The following SV2C variants were observed in gnomAD, a reference collection of about 807,000 sequenced individuals.
SV2C encodes the protein solute carrier family 22 member B3.
A neutral mutation model predicts 79.7 loss-of-function variants in SV2C; 49 were observed. The observed-to-expected ratio is 0.61, with a 90% confidence interval of 0.49 to 0.78. The LOEUF is 0.78. SV2C is among the 30% of genes least tolerant of loss of function. The pLI is 0.00. For synonymous variants in SV2C, 334 were observed against 333.2 expected (o/e 1.00, Z -0.03); for missense variants, 833 against 912.9 (o/e 0.91, Z 1.13).
chr5:76,041,190 A>T, the SV2C span, among the ~76,000 whole-genome samples: 1 of 152,202 alleles, frequency 6.6e-6, no homozygotes, highest in African/African-American at 2.4e-5. Flanking sequence ...TTATAAATCA[A>T]GCTAACCAAC....
intron 1 of SV2C, among the ~76,000 whole-genome samples, chr5:76,085,376 G>A (rs1300596768): frequency 6.6e-6 from 1 of 152,054 alleles, no homozygotes; most frequent in Non-Finnish European, 1.5e-5. Flanking sequence ...TACTGATAAC[G>A]CATTCTCTGG....
At chr5:75,895,141 C>G in the SV2C span, among the ~76,000 whole-genome samples, 1 of 152,024 alleles carries the variant, frequency 6.6e-6, no homozygotes, top group Non-Finnish European at 1.5e-5. Context: ...AATAAACAAA[C>G]AGCAACAACA....
intron 1 of SV2C, among the ~76,000 whole-genome samples, chr5:76,102,016 T>C (rs1483765891): frequency 1.3e-5 from 2 of 152,170 alleles, no homozygotes; most frequent in East Asian, 3.9e-4. Flanking sequence ...CTTGGAATAA[T>C]ATAACAACTT....
the SV2C span, among the ~76,000 whole-genome samples, chr5:75,966,167 A>G: frequency 6.6e-6 from 1 of 152,240 alleles, no homozygotes; most frequent in Non-Finnish European, 1.5e-5. Flanking sequence ...TAAGTAACTG[A>G]AGTAACTCCT....
chr5:76,210,789 G>T (rs1026023551), intron 4 of SV2C, among the ~76,000 whole-genome samples: 2 of 152,248 alleles, frequency 1.3e-5, no homozygotes, highest in Admixed American at 1.3e-4. Context: ...CAGTTGTCTC[G>T]TTAGAATAAA....
At chr5:75,873,603 A>G in the SV2C span, among the ~76,000 whole-genome samples, 1 of 152,156 alleles carries the variant, frequency 6.6e-6, no homozygotes, top group Non-Finnish European at 1.5e-5. Context: ...AGAAGACTAC[A>G]AAATCATTTA....
At chr5:75,892,924 C>G in the SV2C span, among the ~76,000 whole-genome samples, 1 of 151,978 alleles carries the variant, frequency 6.6e-6, no homozygotes. Flanking sequence ...ATCTATTTTT[C>G]TTTGGGTATA....
At chr5:76,295,735 C>A in intron 8 of SV2C, 43 bp from the exon 9 acceptor site, 1 of 1,576,796 alleles carries the variant, frequency 6.3e-7, no homozygotes, top group Non-Finnish European at 8.6e-7. Context: ...TTGCCTCTGG[C>A]ATGCTAGTGC....
chr5:75,899,175 G>A, the SV2C span, among the ~76,000 whole-genome samples: 2 of 152,002 alleles, frequency 1.3e-5, no homozygotes, highest in East Asian at 1.9e-4. Flanking sequence ...TGTCAATTTT[G>A]GATCTTTCCT....
At chr5:76,226,891 G>C (rs1486894220) in intron 4 of SV2C, among the ~76,000 whole-genome samples, 2 of 152,158 alleles carry the variant, frequency 1.3e-5, no homozygotes, top group African/African-American at 4.8e-5. Flanking sequence ...CATGATCACT[G>C]GCTGTGTCTG....
At chr5:76,274,297 G>A (rs1028947788) in intron 4 of SV2C, among the ~76,000 whole-genome samples, 1 of 152,108 alleles carries the variant, frequency 6.6e-6, no homozygotes, top group Non-Finnish European at 1.5e-5. Context: ...GAAATGTCAA[G>A]TGAAAATCTT....
At chr5:76,171,656 G>A (rs1159424611) in intron 2 of SV2C, among the ~76,000 whole-genome samples, 1 of 145,438 alleles carries the variant, frequency 6.9e-6, no homozygotes, top group Non-Finnish European at 1.6e-5. Context: ...ATCCGGGAGG[G>A]AGGTGGGGGG....
At chr5:76,043,496 T>G in the SV2C span, among the ~76,000 whole-genome samples, 1 of 152,186 alleles carries the variant, frequency 6.6e-6, no homozygotes, top group African/African-American at 2.4e-5. Flanking sequence ...CCCAGATAAT[T>G]AACCACTGCA....
chr5:76,090,140 G>T (rs1747327187), intron 1 of SV2C, among the ~76,000 whole-genome samples: 1 of 152,178 alleles, frequency 6.6e-6, no homozygotes, highest in South Asian at 2.1e-4. Flanking sequence ...TGTTCTCAAG[G>T]AGCACCTATC....
intron 12 of SV2C, among the ~76,000 whole-genome samples, chr5:76,312,826 TCC>T (rs1007998506): frequency 6.6e-6 from 1 of 152,240 alleles, no homozygotes; most frequent in Non-Finnish European, 1.5e-5. Context: ...CACCTGCCGA[TCC>T]CTGAGAGTCC....
At chr5:76,095,294 AC>A (rs1262165005) in intron 1 of SV2C, among the ~76,000 whole-genome samples, 2 of 152,054 alleles carry the variant, frequency 1.3e-5, no homozygotes, top group African/African-American at 4.8e-5. Context: ...CATTACTGAT[AC>A]ATTATTATTA....
chr5:76,032,482 G>C, the SV2C span, among the ~76,000 whole-genome samples: 1 of 152,094 alleles, frequency 6.6e-6, no homozygotes, highest in Non-Finnish European at 1.5e-5. Context: ...CCACCTATGA[G>C]TGAGAATATG....
chr5:76,270,534 T>C (rs1186003821), intron 4 of SV2C, among the ~76,000 whole-genome samples: 1 of 152,144 alleles, frequency 6.6e-6, no homozygotes. Flanking sequence ...CATCTCCAAC[T>C]TATAAAAAGT....
chr5:76,017,003 T>A, the SV2C span, among the ~76,000 whole-genome samples: 1 of 152,220 alleles, frequency 6.6e-6, no homozygotes, highest in African/African-American at 2.4e-5. Context: ...CAGTAATTTC[T>A]TACTCATTAT....
Sources: allele counts gnomAD v4.1 joint callset (sites outside exome capture counted in the v4.1 genomes callset), GRCh38; gene constraint gnomAD v4.1.1; transcripts MANE v1.5; gene names NCBI Gene and HGNC (gene_info 2026-07-23, HGNC 2026-07-21).